TMEM50B: variants seen among roughly 807,000 people sequenced by gnomAD.
The protein encoded by TMEM50B is HCV p7-trans-regulated protein 3.
In TMEM50B, 14 loss-of-function variants were observed where a neutral mutation model predicts 23.4. The observed-to-expected ratio is 0.60, with a 90% confidence interval of 0.39 to 0.93. The LOEUF is 0.93. TMEM50B is among the 40% of genes least tolerant of loss of function. The pLI is 0.00. For synonymous variants in TMEM50B, 64 were observed against 62.3 expected (o/e 1.03, Z -0.13); for missense variants, 159 against 193.0 (o/e 0.82, Z 1.04).
At chr21:33,438,764 CTG>C (rs1471383954) in intron 8 of TMEM50B, among the ~76,000 whole-genome samples, 2 of 151,474 alleles carry the variant, frequency 1.3e-5, no homozygotes, top group Non-Finnish European at 1.5e-5. Flanking sequence ...GAGTCTCACT[CTG>C]TCGCCCAGGC....
At chr21:33,437,289 G>C in intron 8 of TMEM50B, 2 of 297,334 alleles carry the variant, frequency 6.7e-6, no homozygotes, top group South Asian at 6.8e-5. Flanking sequence ...ATTATTGGTT[G>C]GGCTGAGCAG....
chr21:33,436,543 T>C (rs2083953071), intron 8 of TMEM50B, among the ~76,000 whole-genome samples: 1 of 151,856 alleles, frequency 6.6e-6, no homozygotes. Context: ...GCCAACATAG[T>C]GAAACCCTGT....
chr21:33,464,804 C>CAAAAACAAAAAAAAAAAAAAAAAAAAAA (rs2084249959), intron 4 of TMEM50B, among the ~76,000 whole-genome samples: 1 of 100,896 alleles, frequency 9.9e-6, no homozygotes, highest in Admixed American at 1.1e-4. Flanking sequence ...AACTCCGTCT[C>CAAAAACAAAAAAAAAAAAAAAAAAAAAA]AAAAAAAAAA....
rs773084762 is a variant in TMEM50B, at chr21:33,455,768, C to T, written c.390G>A (p.Pro130=). 12 of 1,613,636 alleles carry T rather than the reference C, an allele frequency of 7.4e-6. No homozygotes were observed. Among genetic ancestry groups the T allele is most frequent in the Admixed American group, 5.0e-5 (3 of 59,970 alleles). Residue 130 remains proline (P), a synonymous_variant, in exon 6 of 7, where the codon CCG becomes CCA. Transcript: ENST00000542230. ...CATTTTGAAAAAACACAGCTAGTCC[C>T]GGATAAACATCAGTATCTACATACA... is the stretch of plus-strand genomic sequence containing the variant. ...AYVTQNTDVY[P]GLAVFFQNAL... is the part of the protein sequence containing the mutation.
intron 4 of TMEM50B, among the ~76,000 whole-genome samples, chr21:33,464,741 T>C (rs57996174): frequency 0.093 from 13,372 of 144,462 alleles, 842 homozygotes; most frequent in East Asian, 0.26. Context: ...GGGGTGGAGG[T>C]TGTGGTGAGC....
At chr21:33,434,171 T>C (rs1405688557) in intron 8 of TMEM50B, among the ~76,000 whole-genome samples, 3 of 152,172 alleles carry the variant, frequency 2.0e-5, no homozygotes, top group African/African-American at 7.2e-5. Context: ...TTGGGCCTTC[T>C]GAGGACACGG....
chr21:33,451,369 G>A (rs1302065245), intron 6 of TMEM50B, among the ~76,000 whole-genome samples: 1 of 152,164 alleles, frequency 6.6e-6, no homozygotes, highest in African/African-American at 2.4e-5. Flanking sequence ...ACTGAGTCCA[G>A]ACAAACTTGC....
At chr21:33,464,045 A>G (rs2123441356) in intron 4 of TMEM50B, among the ~76,000 whole-genome samples, 2 of 152,358 alleles carry the variant, frequency 1.3e-5, no homozygotes, top group Middle Eastern at 6.8e-3. Flanking sequence ...AAATGGTTCT[A>G]GATGGGAAAC....
At chr21:33,448,221 C>T (rs1212782177), downstream of TMEM50B, among the ~76,000 whole-genome samples, 2 of 152,116 alleles carry the variant, frequency 1.3e-5, no homozygotes, top group Non-Finnish European at 2.9e-5. Flanking sequence ...TCTCGAACTC[C>T]TGACCTCATG....
At chr21:33,477,917 C>G (rs540576192) in intron 1 of TMEM50B, among the ~76,000 whole-genome samples, 1 of 151,958 alleles carries the variant, frequency 6.6e-6, no homozygotes, top group Non-Finnish European at 1.5e-5. Flanking sequence ...AGGTGGATCA[C>G]GAGGTCAGGA....
At chr21:33,444,803 C>CAAAAAAAAAAAAAAAAAAAAAAAA (rs60816843), downstream of TMEM50B, among the ~76,000 whole-genome samples, 3 of 96,328 alleles carry the variant, frequency 3.1e-5, no homozygotes, top group East Asian at 3.1e-4. Context: ...CATCTCTTTA[C>CAAAAAAAAAAAAAAAAAAAAAAAA]AAAAAAAAAA....
intron 7 of TMEM50B, among the ~76,000 whole-genome samples, chr21:33,440,830 CA>C (rs1182362321): frequency 2.0e-5 from 3 of 151,760 alleles, no homozygotes; most frequent in Non-Finnish European, 2.9e-5. Flanking sequence ...TGCAGTGAGC[CA>C]AGATTGCACC....
Position 33,476,569 on chromosome 21 carries a change from G to A in TMEM50B, c.-42+3269C>T, listed in dbSNP as rs2084372935. On this transcript the variant is annotated intron_variant, in intron 1 of 6. Transcript: ENST00000542230. ...GAGGTCAGGAGATTGAGACCATCCT[G>A]GCTAAAACGATGAAACCCCGTCTCT... is the stretch of plus-strand genomic sequence containing the variant. Among the ~76,000 whole-genome samples the A allele has an allele frequency of 3.3e-5, 5 of 151,644 alleles. No individual in the cohort carries two copies. In the South Asian group the frequency reaches 8.3e-4, roughly 25 times the overall value.
intron 4 of TMEM50B, among the ~76,000 whole-genome samples, chr21:33,462,294 T>C (rs1345081723): frequency 2.0e-5 from 3 of 151,854 alleles, no homozygotes. Context: ...TTGTCCTTAA[T>C]TTTTGAAACA....
At position 33,473,457 on chromosome 21, in the gene TMEM50B, GAAAAAAA is replaced by G. The variant is rs35814774; in HGVS notation, c.-41-4538_-41-4532del. ...AAAAAAGTGAGACTCTGTCTCGGAAGAAAAAAAAAAAAAAAAAAAAACTCAATCCCAA... is the reference window on the plus strand; with the variant it reads ...AAAAAAGTGAGACTCTGTCTCGGAAGAAAAAAAAAAAAAACTCAATCCCAA... On this transcript the variant is annotated intron_variant, in intron 1 of 6. Transcript: ENST00000542230. Among the ~76,000 whole-genome samples the G allele has an allele frequency of 2.1e-4, 18 of 84,856 alleles. 1 individual carries two copies. The highest frequency in any genetic ancestry group is 7.7e-4 in the South Asian group (2 of 2,598). 55.7% of individuals were successfully genotyped at this position (84,856 alleles called of 152,430 possible).
chr21:33,446,655 CAAAAAAA>C (rs869154931), downstream of TMEM50B, among the ~76,000 whole-genome samples: 1 of 19,182 alleles, frequency 5.2e-5, no homozygotes, highest in Non-Finnish European at 8.5e-5. Context: ...CACACACACA[CAAAAAAA>C]AAAAAAAAAA....
At chr21:33,470,962 T>C (rs1035467626) in intron 1 of TMEM50B, among the ~76,000 whole-genome samples, 3 of 152,070 alleles carry the variant, frequency 2.0e-5, no homozygotes, top group Non-Finnish European at 4.4e-5. Flanking sequence ...TAAACTCCCA[T>C]TCCCAGCCCA....
chr21:33,463,696 T>C (rs938325598), intron 4 of TMEM50B, among the ~76,000 whole-genome samples: 6 of 152,116 alleles, frequency 3.9e-5, no homozygotes, highest in African/African-American at 1.4e-4. Flanking sequence ...GCCAGGTGGA[T>C]AGCTTGAGGC....
intron 1 of TMEM50B, among the ~76,000 whole-genome samples, chr21:33,470,930 C>T (rs1023736468): frequency 6.6e-6 from 1 of 152,116 alleles, no homozygotes. Context: ...GTGGGATCAG[C>T]TGTTCCCCTT....
Sources: gnomAD v4.1 joint callset for allele counts (sites outside exome capture counted in the v4.1 genomes callset) on GRCh38, gnomAD v4.1.1 for gene constraint, MANE v1.5 for transcripts, NCBI Gene and HGNC (gene_info 2026-07-23, HGNC 2026-07-21) for gene names.